DOCK1: variants seen among roughly 807,000 people sequenced by gnomAD.
DOCK1 encodes dedicator of cytokinesis protein 1.
Under a neutral mutation model 262.7 loss-of-function variants are expected in DOCK1, and 138 were observed. The ratio of observed to expected loss-of-function variants is 0.53; its 90% CI spans 0.46 to 0.61. The LOEUF (loss-of-function observed/expected upper bound fraction) is 0.61, where lower values mean the gene tolerates loss of function less well. Among genes scored for constraint, DOCK1 ranks in the 20% least tolerant of loss-of-function variants. DOCK1 has a pLI of 0.00. For synonymous variants in DOCK1, 866 were observed against 867.4 expected (o/e 1.00, Z 0.03); for missense variants, 1,908 against 2,370.7 (o/e 0.80, Z 4.05).
intron 27 of DOCK1, among the ~76,000 whole-genome samples, chr10:127,206,516 G>T (rs1020318687): frequency 1.3e-5 from 2 of 152,158 alleles, no homozygotes; most frequent in African/African-American, 2.4e-5. Context: ...GTACAGAATT[G>T]TTTGTTGTGG....
At chr10:127,101,757 G>T (rs987626981) in intron 23 of DOCK1, among the ~76,000 whole-genome samples, 1 of 152,204 alleles carries the variant, frequency 6.6e-6, no homozygotes, top group Admixed American at 6.5e-5. Context: ...ATTCACCCTG[G>T]TGAAATGGTA....
intron 1 of DOCK1, among the ~76,000 whole-genome samples, chr10:126,908,503 A>G (rs952508125): frequency 2.0e-5 from 3 of 152,270 alleles, no homozygotes; most frequent in Non-Finnish European, 2.9e-5. Context: ...GGAAACATGA[A>G]TCACAGCTTA....
intron 2 of DOCK1, among the ~76,000 whole-genome samples, chr10:126,971,543 A>C (rs1409597075): frequency 6.6e-6 from 1 of 152,108 alleles, no homozygotes; most frequent in Non-Finnish European, 1.5e-5. Context: ...CAGGCTCCCA[A>C]GTAGCTGGGA....
chr10:127,051,418 A>C (rs4751475), intron 21 of DOCK1, among the ~76,000 whole-genome samples: 25,659 of 152,124 alleles, frequency 0.17, 2,310 homozygotes, highest in South Asian at 0.32. Flanking sequence ...TATTTGAAAG[A>C]CCATTTGTAA....
intron 27 of DOCK1, among the ~76,000 whole-genome samples, chr10:127,145,432 G>A (rs1194212230): frequency 6.6e-6 from 1 of 152,214 alleles, no homozygotes; most frequent in African/African-American, 2.4e-5. Flanking sequence ...GTAGCCTGCA[G>A]AACACTGCTG....
chr10:126,911,902 A>C (rs2031827131), intron 1 of DOCK1, among the ~76,000 whole-genome samples: 1 of 152,214 alleles, frequency 6.6e-6, no homozygotes, highest in Non-Finnish European at 1.5e-5. Context: ...TTGAAATCAC[A>C]GTGTGGAATT....
At chr10:126,928,802 A>G (rs2033968200) in intron 1 of DOCK1, among the ~76,000 whole-genome samples, 1 of 152,236 alleles carries the variant, frequency 6.6e-6, no homozygotes, top group African/African-American at 2.4e-5. Context: ...TTTACCAGAA[A>G]CTAAAGAGAA....
At position 127,097,098 on chromosome 10, in the gene DOCK1, C is replaced by G. The variant is rs34770789; in HGVS notation, c.2446-9133C>G. Among the ~76,000 whole-genome samples the G allele has an allele frequency of 4.2e-3, 627 of 149,408 alleles. 2 individuals are homozygous for G. Among genetic ancestry groups the G allele is most frequent in the South Asian group, 7.3e-3 (35 of 4,806 alleles). ...CCAGCCTGGGCAACAGAGTGAGACT[C>G]TATCTCAGAAAGGAGAAAAAAAAAA... On this transcript the variant is annotated intron_variant, in intron 23 of 51. Transcript: ENST00000623213.
chr10:127,284,982 T>A (rs974283080), intron 29 of DOCK1, among the ~76,000 whole-genome samples: 6 of 151,964 alleles, frequency 3.9e-5, no homozygotes, highest in Non-Finnish European at 4.4e-5. Context: ...AAAAAAAATT[T>A]AAAAATTAGC....
At chr10:127,183,149 T>C (rs2055897506) in intron 27 of DOCK1, among the ~76,000 whole-genome samples, 1 of 150,922 alleles carries the variant, frequency 6.6e-6, no homozygotes, top group Non-Finnish European at 1.5e-5. Flanking sequence ...AACTAGGACA[T>C]TGATTTTTTC....
chr10:126,913,372 C>T (rs7076163), intron 1 of DOCK1, among the ~76,000 whole-genome samples: 150,892 of 152,306 alleles, frequency 0.99, 74,769 homozygotes, highest in East Asian at 1. Context: ...ATGGCAAAAC[C>T]CGGGCTTTGG....
At chr10:127,002,626 T>C (rs1053068612) in intron 10 of DOCK1, among the ~76,000 whole-genome samples, 3 of 152,100 alleles carry the variant, frequency 2.0e-5, no homozygotes, top group Non-Finnish European at 4.4e-5. Context: ...GAAGCCTGGG[T>C]TATTCACTGG....
intron 27 of DOCK1, chr10:127,127,978 ATTAC>A (rs1052413472): frequency 9.6e-5 from 35 of 363,354 alleles, no homozygotes; most frequent in African/African-American, 2.5e-4. Flanking sequence ...TTGTTTTCTC[ATTAC>A]TTACTTATAG....
At chr10:127,133,901 A>G (rs535517412) in intron 27 of DOCK1, among the ~76,000 whole-genome samples, 5 of 152,348 alleles carry the variant, frequency 3.3e-5, no homozygotes, top group African/African-American at 1.2e-4. Flanking sequence ...GCCTGCAAAT[A>G]TGCTAGTGAT....
At chr10:126,985,736 C>T (rs773090166) in intron 4 of DOCK1, among the ~76,000 whole-genome samples, 17 of 152,158 alleles carry the variant, frequency 1.1e-4, no homozygotes, top group Admixed American at 2.6e-4. Context: ...TGTAATGAAC[C>T]GCATTTCCAT....
At chr10:127,095,528 G>A (rs1035998905) in intron 23 of DOCK1, among the ~76,000 whole-genome samples, 1 of 152,226 alleles carries the variant, frequency 6.6e-6, no homozygotes, top group Non-Finnish European at 1.5e-5. Flanking sequence ...CAGAGAAAAC[G>A]GTCATTGCTG....
intron 23 of DOCK1, among the ~76,000 whole-genome samples, chr10:127,085,263 C>G (rs2047127993): frequency 6.6e-6 from 1 of 152,174 alleles, no homozygotes; most frequent in South Asian, 2.1e-4. Flanking sequence ...CCACCAGATA[C>G]TTTTGAGCCC....
chr10:127,363,433 C>T (rs2064708377), intron 33 of DOCK1, among the ~76,000 whole-genome samples: 1 of 152,058 alleles, frequency 6.6e-6, no homozygotes, highest in African/African-American at 2.4e-5. Flanking sequence ...CACGCCACTG[C>T]ACTCCCGCCT....
intron 27 of DOCK1, among the ~76,000 whole-genome samples, chr10:127,198,995 T>A (rs1328378234): frequency 6.6e-6 from 1 of 151,910 alleles, no homozygotes; most frequent in African/African-American, 2.4e-5. Context: ...CATTTTTTTT[T>A]AATAGATGGG....
Sources: allele counts gnomAD v4.1 joint callset (sites outside exome capture counted in the v4.1 genomes callset), GRCh38; gene constraint gnomAD v4.1.1; transcripts MANE v1.5; gene names NCBI Gene and HGNC (gene_info 2026-07-23, HGNC 2026-07-21).